The following CDH4 variants were observed in gnomAD, a reference collection of about 807,000 sequenced individuals.
The protein encoded by CDH4 is cadherin-4.
In CDH4, 33 loss-of-function variants were observed where a neutral mutation model predicts 86.0. The ratio of observed to expected loss-of-function variants is 0.38; its 90% CI spans 0.29 to 0.51. The LOEUF (loss-of-function observed/expected upper bound fraction) is 0.51. CDH4 is among the 20% of genes least tolerant of loss of function. CDH4 has a pLI of 0.86. For synonymous variants in CDH4, 555 were observed against 549.4 expected (o/e 1.01, Z -0.14); for missense variants, 1,114 against 1,307.4 (o/e 0.85, Z 2.28).
chr20:61,371,992 G>T (rs1257313471), intron 2 of CDH4, among the ~76,000 whole-genome samples: 2 of 152,230 alleles, frequency 1.3e-5, no homozygotes, highest in African/African-American at 2.4e-5. Flanking sequence ...CAGGCCGCTT[G>T]TGTTTGTAAA....
chr20:61,656,961 C>G lies in CDH4; in HGVS notation c.170-86602C>G, dbSNP rs562671327. On this transcript the variant is annotated intron_variant, in intron 2 of 15. Transcript: ENST00000614565. The stretch of plus-strand genomic sequence containing the variant: ...TGCCCAGAAACGCCCACCTGGGATG[C>G]ACTGGACACACCTCAAAGCAGTTGA... Among the ~76,000 whole-genome samples, 4 of 152,328 alleles carry G rather than the reference C, an allele frequency of 2.6e-5. No individual in the cohort carries two copies. In the South Asian group the frequency reaches 6.2e-4, roughly 24 times the overall value.
At chr20:61,820,170 T>A (rs1304650795) in intron 4 of CDH4, among the ~76,000 whole-genome samples, 1 of 152,106 alleles carries the variant, frequency 6.6e-6, no homozygotes, top group African/African-American at 2.4e-5. Context: ...TCACTTGGCA[T>A]CCCCAAGACC....
intron 3 of CDH4, among the ~76,000 whole-genome samples, chr20:61,751,382 G>A (rs775241439): frequency 3.4e-4 from 52 of 152,140 alleles, no homozygotes; most frequent in South Asian, 6.2e-4. Context: ...CCATTAAAAC[G>A]GTGTCATTTT....
At chr20:61,867,173 C>A (rs969557679) in intron 6 of CDH4, among the ~76,000 whole-genome samples, 1 of 152,250 alleles carries the variant, frequency 6.6e-6, no homozygotes, top group Non-Finnish European at 1.5e-5. Context: ...GATTTTGAAG[C>A]CCTGCTCTCC....
At chr20:61,469,508 G>A (rs1466901503) in intron 2 of CDH4, among the ~76,000 whole-genome samples, 1 of 152,144 alleles carries the variant, frequency 6.6e-6, no homozygotes, top group African/African-American at 2.4e-5. Context: ...CATTCTGTGG[G>A]TTGTCTGTTC....
chr20:61,935,557 A>C (rs2055173138), intron 15 of CDH4, among the ~76,000 whole-genome samples: 1 of 152,232 alleles, frequency 6.6e-6, no homozygotes, highest in South Asian at 2.1e-4. Flanking sequence ...CAGGAGTTCA[A>C]GACCAGACTG....
chr20:61,298,140 G>A (rs1232623657), intron 2 of CDH4, among the ~76,000 whole-genome samples: 1 of 152,206 alleles, frequency 6.6e-6, no homozygotes, highest in African/African-American at 2.4e-5. Context: ...TGAAGAGTGC[G>A]ATTGGGCGCC....
At chr20:61,723,863 C>T (rs112562579) in intron 2 of CDH4, among the ~76,000 whole-genome samples, 3 of 141,890 alleles carry the variant, frequency 2.1e-5, no homozygotes, top group Admixed American at 7.2e-5. Flanking sequence ...AAGCGGCTGG[C>T]GGCTCCATGC....
intron 2 of CDH4, among the ~76,000 whole-genome samples, chr20:61,633,246 CATCT>C (rs914498320): frequency 4.6e-5 from 7 of 151,146 alleles, no homozygotes; most frequent in South Asian, 2.1e-4. Context: ...TCCATCTATC[CATCT>C]ATTTATTCAT....
intron 2 of CDH4, among the ~76,000 whole-genome samples, chr20:61,514,282 G>A (rs901493711): frequency 3.3e-5 from 5 of 152,124 alleles, no homozygotes; most frequent in South Asian, 4.2e-4. Flanking sequence ...CAAAAAATGG[G>A]GGTCAGGGTT....
intron 4 of CDH4, among the ~76,000 whole-genome samples, chr20:61,819,800 T>C (rs1366636504): frequency 6.6e-6 from 1 of 152,210 alleles, no homozygotes; most frequent in African/African-American, 2.4e-5. Flanking sequence ...GGTGCTGTTT[T>C]AGTTGTGCTG....
At chr20:61,390,469 G>T (rs1228256532) in intron 2 of CDH4, among the ~76,000 whole-genome samples, 1 of 140,952 alleles carries the variant, frequency 7.1e-6, no homozygotes, top group Admixed American at 6.9e-5. Flanking sequence ...GATTGGGTTC[G>T]TACAGTCATA....
chr20:61,660,627 C>G (rs887897221), intron 2 of CDH4, among the ~76,000 whole-genome samples: 20 of 152,140 alleles, frequency 1.3e-4, no homozygotes, highest in African/African-American at 4.6e-4. Context: ...CCCGGCAGGA[C>G]CTGTGGGTTC....
chr20:61,345,637 G>A (rs576041838), intron 2 of CDH4, among the ~76,000 whole-genome samples: 2 of 152,312 alleles, frequency 1.3e-5, no homozygotes, highest in South Asian at 2.1e-4. Context: ...TGCCTGTCAG[G>A]TTTACTTTCC....
chr20:61,535,093 A>G (rs2085986741), intron 2 of CDH4, among the ~76,000 whole-genome samples: 1 of 152,194 alleles, frequency 6.6e-6, no homozygotes, highest in South Asian at 2.1e-4. Context: ...ATTCCCTCCA[A>G]GGGGCATGGA....
chr20:61,816,816 C>T (rs1480431013), intron 4 of CDH4, among the ~76,000 whole-genome samples: 1 of 152,214 alleles, frequency 6.6e-6, no homozygotes, highest in Non-Finnish European at 1.5e-5. Context: ...GGGACACTCC[C>T]ATCAGCAGGC....
At position 61,663,342 on chromosome 20, in the gene CDH4, G is replaced by A. The variant is rs1246898511; in HGVS notation, c.170-80221G>A. Among the ~76,000 whole-genome samples the A allele has an allele frequency of 6.6e-6, 1 of 152,234 alleles. No individual in the cohort carries two copies. Among genetic ancestry groups the A allele is most frequent in the Non-Finnish European group, 1.5e-5 (1 of 68,040 alleles). On this transcript the variant is annotated intron_variant, in intron 2 of 15. Coordinates refer to ENST00000614565, the MANE Select transcript of CDH4 (RefSeq NM_001794.5). The surrounding 1 kb of genome is among the most constrained non-coding windows in gnomAD (Gnocchi z 5.0). ...GCTGCGGAGCTCCTGGGAGGGTGAC[G>A]CTGGGGCAGGGGCTGCTGCGGACAA...
chr20:61,617,660 G>T (rs981375208), intron 2 of CDH4, among the ~76,000 whole-genome samples: 3 of 152,238 alleles, frequency 2.0e-5, no homozygotes, highest in African/African-American at 4.8e-5. Context: ...GAAGCAGGGG[G>T]CATGAACGCC....
chr20:61,640,543 T>C (rs912310836), intron 2 of CDH4, among the ~76,000 whole-genome samples: 1 of 152,116 alleles, frequency 6.6e-6, no homozygotes, highest in Non-Finnish European at 1.5e-5. Context: ...TATTGTCATG[T>C]GAGTGGAATA....
Sources: allele counts gnomAD v4.1 joint callset (sites outside exome capture counted in the v4.1 genomes callset), GRCh38; gene constraint gnomAD v4.1.1; non-coding constraint Gnocchi (gnomAD v3.1); transcripts MANE v1.5; gene names NCBI Gene and HGNC (gene_info 2026-07-23, HGNC 2026-07-21).